The following ZEB2 variants were observed in gnomAD, a reference collection of about 807,000 sequenced individuals.
ZEB2 encodes the protein zinc finger E-box-binding homeobox 2.
Under a neutral mutation model 99.9 loss-of-function variants are expected in ZEB2, and 6 were observed. The observed-to-expected ratio is 0.06, with a 90% CI of 0.03 to 0.12. The LOEUF is 0.12. Ranked by LOEUF, ZEB2 falls within the 10% of genes least tolerant of loss-of-function variation. The pLI is 1.00. For missense variants in ZEB2, 969 were observed against 1,502.8 expected, an observed-to-expected ratio of 0.64 and a Z score of 5.87; for synonymous variants, 517 against 542.5, an observed-to-expected ratio of 0.95 and a Z score of 0.65.
intron 4 of ZEB2, among the ~76,000 whole-genome samples, chr2:144,420,998 G>A (rs1346061566): frequency 6.6e-6 from 1 of 152,156 alleles, no homozygotes; most frequent in African/African-American, 2.4e-5. Context: ...ACTAAATAGA[G>A]GAGGACATGA....
At position 144,416,838 on chromosome 2, in the gene ZEB2, A is replaced by G. The variant is rs942406480; in HGVS notation, c.403+7958T>C. Among the ~76,000 whole-genome samples the G allele has an allele frequency of 7.0e-4, 106 of 152,194 alleles. 2 individuals carry two copies. Among genetic ancestry groups the G allele is most frequent in the Admixed American group, 1.3e-3 (20 of 15,282 alleles). On this transcript the variant is annotated intron_variant, in intron 4 of 9. Transcript: ENST00000627532. ...TTCTTTAAGGCACCTCTCTTGTCCT[A>G]TCTCCAATATTTGACCCTATACTGT...
chr2:144,469,782 C>T (rs1704329999), intron 2 of ZEB2, among the ~76,000 whole-genome samples: 1 of 152,112 alleles, frequency 6.6e-6, no homozygotes, highest in South Asian at 2.1e-4. Context: ...AACAAGAGTT[C>T]CCCCTAATTT....
chr2:144,513,167 G>C (rs888382159), intron 2 of ZEB2: 1 of 1,286,068 alleles, frequency 7.8e-7, no homozygotes, highest in South Asian at 1.2e-5. Flanking sequence ...TCTCTGAAAC[G>C]GGAGCAACTT....
At chr2:144,407,560 T>TA (rs1703405177) in intron 4 of ZEB2, among the ~76,000 whole-genome samples, 2 of 152,254 alleles carry the variant, frequency 1.3e-5, no homozygotes, top group South Asian at 2.1e-4. Flanking sequence ...ATCAGATCTA[T>TA]CAAAAAATCA....
intron 2 of ZEB2, among the ~76,000 whole-genome samples, chr2:144,433,527 A>T (rs1703800022): frequency 6.6e-6 from 1 of 152,202 alleles, no homozygotes; most frequent in African/African-American, 2.4e-5. Context: ...AACTGTATGT[A>T]TAATATGGGG....
chr2:144,415,005 T>A (rs1253930717), intron 4 of ZEB2, among the ~76,000 whole-genome samples: 1 of 80,508 alleles, frequency 1.2e-5, no homozygotes, highest in Non-Finnish European at 2.5e-5. Context: ...ACTTTTTTTC[T>A]TTTTTTTTTT....
intron 2 of ZEB2, among the ~76,000 whole-genome samples, chr2:144,501,630 G>A (rs897149643): frequency 9.9e-5 from 15 of 152,154 alleles, no homozygotes; most frequent in African/African-American, 3.6e-4. Flanking sequence ...TGGGGGTTGG[G>A]GAAGGAGGAC....
chr2:144,443,892 G>T (rs888240563), intron 2 of ZEB2, among the ~76,000 whole-genome samples: 1 of 151,814 alleles, frequency 6.6e-6, no homozygotes, highest in East Asian at 1.9e-4. Flanking sequence ...TACTGTTCAG[G>T]ACTCATCATT....
intron 2 of ZEB2, among the ~76,000 whole-genome samples, chr2:144,444,376 C>T (rs1703957259): frequency 1.3e-5 from 2 of 152,250 alleles, no homozygotes; most frequent in Non-Finnish European, 2.9e-5. Flanking sequence ...TGGATATATT[C>T]CTGATTAAGC....
At chr2:144,440,485 GTATA>G (rs147950352) in intron 2 of ZEB2, among the ~76,000 whole-genome samples, 39 of 89,330 alleles carry the variant, frequency 4.4e-4, no homozygotes, top group Middle Eastern at 5.3e-3. Flanking sequence ...CCCAAAAGCA[GTATA>G]TATATATATA....
chr2:144,405,185 C>T, intron 4 of ZEB2, 161 bp from the exon 5 acceptor site: 2 of 753,812 alleles, frequency 2.7e-6, no homozygotes, highest in Non-Finnish European at 4.4e-6. Context: ...TGACTGAATG[C>T]TTATTCTTGC....
intron 2 of ZEB2, chr2:144,495,787 C>T (rs1249711770): frequency 6.6e-6 from 1 of 152,264 alleles, no homozygotes; most frequent in Non-Finnish European, 1.5e-5. Context: ...CAATTTGTCT[C>T]TAAGAGATTC....
intron 2 of ZEB2, among the ~76,000 whole-genome samples, chr2:144,483,117 GACACACACACACACACAC>G (rs70985858): frequency 1.5e-4 from 19 of 130,764 alleles, no homozygotes; most frequent in African/African-American, 3.6e-4. Context: ...GTTTAGGTAA[GACACACACACACACACAC>G]ACACACACAC....
chr2:144,422,264 T>A (rs1703628344), intron 4 of ZEB2, among the ~76,000 whole-genome samples: 1 of 152,194 alleles, frequency 6.6e-6, no homozygotes, highest in African/African-American at 2.4e-5. Flanking sequence ...TTAACTTAAA[T>A]GTCCAGCTTT....
At chr2:144,476,269 A>G (rs912789752) in intron 2 of ZEB2, among the ~76,000 whole-genome samples, 2 of 152,092 alleles carry the variant, frequency 1.3e-5, no homozygotes, top group Admixed American at 6.6e-5. Flanking sequence ...AGATGCCCCA[A>G]TGGTGGTATG....
At chr2:144,484,292 A>G (rs1198649056) in intron 2 of ZEB2, among the ~76,000 whole-genome samples, 1 of 152,024 alleles carries the variant, frequency 6.6e-6, no homozygotes, top group Non-Finnish European at 1.5e-5. Flanking sequence ...AACATCTGTC[A>G]GCCACCAGTT....
intron 2 of ZEB2, among the ~76,000 whole-genome samples, chr2:144,488,527 C>G (rs893825722): frequency 2.0e-5 from 3 of 151,686 alleles, no homozygotes; most frequent in Non-Finnish European, 4.4e-5. Flanking sequence ...TTCATGTTCT[C>G]TAAGTTTAAT....
At chr2:144,484,185 T>TTGTGTGTGTGTGTGTGTGTG (rs10529605) in intron 2 of ZEB2, among the ~76,000 whole-genome samples, 34,421 of 142,100 alleles carry the variant, frequency 0.24, 4,855 homozygotes, top group Middle Eastern at 0.34. Context: ...AAATCTGGAT[T>TTGTGTGTGTGTGTGTGTGTG]TGTGTGTGTG....
In ZEB2 at chr2:144,389,934, G is replaced by A. The variant is rs1294372146; in HGVS notation, c.3162C>T (p.Pro1054=). 1 of 1,611,504 alleles carries A rather than the reference G, an allele frequency of 6.2e-7. No homozygotes were observed. Among genetic ancestry groups the A allele is most frequent in the East Asian group, 2.2e-5 (1 of 44,882 alleles). ...GCTTGCCACATTTATCACACTGATAGGGCTTCTCGCCCGAGTGAAGCCTTG... is the reference window on the plus strand; with the variant it reads ...GCTTGCCACATTTATCACACTGATAAGGCTTCTCGCCCGAGTGAAGCCTTG... ...EHSRLHSGEK[P]YQCDKCGKRF... Residue 1054 remains proline, a synonymous_variant, in exon 10 of 10, where the codon CCC becomes CCT. Transcript: ENST00000627532. This position sits in a 1 kb window ranked among gnomAD's most constrained non-coding sequence, Gnocchi z 6.8.
Sources: allele counts gnomAD v4.1 joint callset (sites outside exome capture counted in the v4.1 genomes callset), GRCh38; gene constraint gnomAD v4.1.1; non-coding constraint Gnocchi (gnomAD v3.1); transcripts MANE v1.5; gene names NCBI Gene and HGNC (gene_info 2026-07-23, HGNC 2026-07-21).